The following PARD3B variants were observed in gnomAD, a reference collection of about 807,000 sequenced individuals.
The protein encoded by PARD3B is par-3 family cell polarity regulator beta, also known as partitioning defective 3 homolog B.
A neutral mutation model predicts 130.2 loss-of-function variants in PARD3B; 103 were observed. The observed-to-expected ratio is 0.79, with a 90% confidence interval of 0.67 to 0.93. The LOEUF is 0.93. Ranked by LOEUF, PARD3B falls within the 40% of genes least tolerant of loss-of-function variation. PARD3B has a pLI of 0.00. For missense variants in PARD3B, 1,609 were observed against 1,499.2 expected, an observed-to-expected ratio of 1.07 and a Z score of -1.21; for synonymous variants, 583 against 553.2, an observed-to-expected ratio of 1.05 and a Z score of -0.76.
At chr2:205,101,289 A>G (rs1329000051) in intron 4 of PARD3B, among the ~76,000 whole-genome samples, 2 of 152,194 alleles carry the variant, frequency 1.3e-5, no homozygotes, top group Non-Finnish European at 2.9e-5. Context: ...TGAATACAAT[A>G]AATTAAAATT....
At chr2:204,698,590 A>G (rs1162253771) in intron 2 of PARD3B, among the ~76,000 whole-genome samples, 2 of 151,836 alleles carry the variant, frequency 1.3e-5, no homozygotes, top group East Asian at 1.9e-4. Flanking sequence ...TATTTAACAC[A>G]TCTATTAAGA....
chr2:204,713,058 G>C lies in PARD3B; in HGVS notation c.222+26776G>C, dbSNP rs1466265234. Among the ~76,000 whole-genome samples the C allele has an allele frequency of 3.3e-5, 5 of 152,158 alleles. No homozygotes were observed. The East Asian group carries it at 9.7e-4, about 30-fold the overall frequency. ...CACTGCTGTAGAGTGTTTCTAATGT[G>C]ACTGTATTTGAACTTATTAATCCTG... On this transcript the variant is annotated intron_variant, in intron 2 of 22. Coordinates refer to ENST00000406610, the MANE Select transcript of PARD3B (RefSeq NM_001302769.2).
At chr2:205,577,871 T>C (rs1431511382) in intron 22 of PARD3B, among the ~76,000 whole-genome samples, 1 of 152,200 alleles carries the variant, frequency 6.6e-6, no homozygotes, top group Admixed American at 6.5e-5. Context: ...GAACTACCCA[T>C]TGCTTTCCAA....
At chr2:204,643,048 A>C (rs774678902) in intron 1 of PARD3B, among the ~76,000 whole-genome samples, 30 of 143,930 alleles carry the variant, frequency 2.1e-4, no homozygotes, top group Non-Finnish European at 4.1e-4. Context: ...CGGGGGGCGC[A>C]GATTGCAGTG....
intron 2 of PARD3B, among the ~76,000 whole-genome samples, chr2:204,724,277 CA>C (rs1226098832): frequency 6.6e-6 from 1 of 152,114 alleles, no homozygotes; most frequent in Non-Finnish European, 1.5e-5. Flanking sequence ...CTCTCTTTAG[CA>C]TTTTAGTTTG....
chr2:205,286,726 A>G (rs2704645), intron 16 of PARD3B, among the ~76,000 whole-genome samples: 25,374 of 152,094 alleles, frequency 0.17, 2,407 homozygotes, highest in African/African-American at 0.25. Context: ...AGTAGTCATG[A>G]GAATACCTAT....
intron 2 of PARD3B, among the ~76,000 whole-genome samples, chr2:204,873,447 T>G (rs982566847): frequency 6.6e-6 from 1 of 152,222 alleles, no homozygotes; most frequent in South Asian, 2.1e-4. Context: ...CCATTCATTA[T>G]TCATTTGTCC....
At position 205,281,844 on chromosome 2, in the gene PARD3B, T is replaced by A. The variant is rs570744687; in HGVS notation, c.2186-18686T>A. Among the ~76,000 whole-genome samples, 1 of 152,170 alleles carries A rather than the reference T, an allele frequency of 6.6e-6. No individual in the cohort carries two copies. The highest frequency in any genetic ancestry group is 6.5e-5 in the Admixed American group (1 of 15,284). On this transcript the variant is annotated intron_variant, in intron 16 of 22. Coordinates refer to ENST00000406610, the MANE Select transcript of PARD3B (RefSeq NM_001302769.2). This position sits in a 1 kb window ranked among gnomAD's most constrained non-coding sequence, Gnocchi z 4.2. ...GAAATTTTATACATGAGTTTACCCC[T>A]GAAATGGATGAGTAGATGAGAATGC... is the stretch of plus-strand genomic sequence containing the variant.
In PARD3B at chr2:204,678,804, C is replaced by T. The variant is rs1343932168; in HGVS notation, c.121-7377C>T. ...AACGGATAACTGTTTTCATTTAGGG[C>T]TGCAGATTCCAGGCTCGAGGGTGGG... On this transcript the variant is annotated intron_variant, in intron 1 of 22. Transcript: ENST00000406610. The surrounding 1 kb of genome is among the most constrained non-coding windows in gnomAD (Gnocchi z 4.2). Among the ~76,000 whole-genome samples, 1 of 152,082 alleles carries T rather than the reference C, an allele frequency of 6.6e-6. No homozygotes were observed. Among genetic ancestry groups the T allele is most frequent in the Non-Finnish European group, 1.5e-5 (1 of 68,020 alleles).
intron 22 of PARD3B, among the ~76,000 whole-genome samples, chr2:205,573,080 A>G (rs1242285882): frequency 2.6e-5 from 4 of 152,158 alleles, no homozygotes; most frequent in Admixed American, 2.6e-4. Flanking sequence ...AGATCTCATG[A>G]GAACTCACTC....
intron 19 of PARD3B, among the ~76,000 whole-genome samples, chr2:205,437,747 A>G (rs958505545): frequency 1.3e-5 from 2 of 152,194 alleles, no homozygotes; most frequent in Admixed American, 1.3e-4. Flanking sequence ...CAATGTTCCC[A>G]TAGAGGAAAA....
chr2:204,759,320 G>T (rs571706666), intron 2 of PARD3B, among the ~76,000 whole-genome samples: 2 of 152,156 alleles, frequency 1.3e-5, no homozygotes, highest in Non-Finnish European at 2.9e-5. Flanking sequence ...TTTCAAATAA[G>T]TATAAATTAA....
Position 205,011,315 on chromosome 2 carries a change from T to A in PARD3B, c.395-36266T>A, listed in dbSNP as rs1406540189. Reference sequence around the variant, plus strand: ...GCCAAGCTGTCATCTCAAGGATGGGTCAGAGGGCTCACTCCTCAGCTCACA... The same window carrying A: ...GCCAAGCTGTCATCTCAAGGATGGGACAGAGGGCTCACTCCTCAGCTCACA... On this transcript the variant is annotated intron_variant, in intron 3 of 22. Coordinates refer to ENST00000406610, the MANE Select transcript of PARD3B (RefSeq NM_001302769.2). The surrounding 1 kb of genome is among the most constrained non-coding windows in gnomAD (Gnocchi z 4.1). 6.6e-6 allele frequency among the ~76,000 whole-genome samples: 1 copy of A among 152,070 alleles called. No individual in the cohort carries two copies. The highest frequency in any genetic ancestry group is 1.5e-5 in the Non-Finnish European group (1 of 67,996).
chr2:205,190,323 A>G (rs1446943776), intron 14 of PARD3B, among the ~76,000 whole-genome samples: 2 of 152,216 alleles, frequency 1.3e-5, no homozygotes, highest in African/African-American at 2.4e-5. Flanking sequence ...CCTTGAGCAG[A>G]GCACTTTAAA....
intron 1 of PARD3B, among the ~76,000 whole-genome samples, chr2:204,616,436 T>C (rs921320630): frequency 2.0e-5 from 3 of 152,098 alleles, no homozygotes; most frequent in Non-Finnish European, 4.4e-5. Context: ...GCACATCTAT[T>C]AGAGTGGCCA....
At chr2:205,335,638 T>C (rs1466971594) in intron 18 of PARD3B, among the ~76,000 whole-genome samples, 1 of 94,170 alleles carries the variant, frequency 1.1e-5, no homozygotes, top group East Asian at 3.7e-4. Flanking sequence ...TACACAAGAC[T>C]GGGGAAAAAA....
At chr2:205,092,661 C>T (rs189630387) in intron 4 of PARD3B, among the ~76,000 whole-genome samples, 15 of 152,238 alleles carry the variant, frequency 9.9e-5, no homozygotes, top group Admixed American at 3.3e-4. Context: ...AGAGGAATAT[C>T]GAGCAAGAGG....
chr2:204,860,668 T>A (rs2045146177), intron 2 of PARD3B, among the ~76,000 whole-genome samples: 1 of 152,206 alleles, frequency 6.6e-6, no homozygotes, highest in South Asian at 2.1e-4. Flanking sequence ...CCCTCTGGTG[T>A]GATTGGAACG....
chr2:205,429,828 A>C, intron 19 of PARD3B, among the ~76,000 whole-genome samples: 1 of 152,190 alleles, frequency 6.6e-6, no homozygotes, highest in East Asian at 1.9e-4. Context: ...TCAAGGTGTC[A>C]GCAGAGTTGC....
Sources: allele counts gnomAD v4.1 joint callset (sites outside exome capture counted in the v4.1 genomes callset), GRCh38; gene constraint gnomAD v4.1.1; non-coding constraint Gnocchi (gnomAD v3.1); transcripts MANE v1.5; gene names NCBI Gene and HGNC (gene_info 2026-07-23, HGNC 2026-07-21).